CIMIP1: variants seen among roughly 807,000 people sequenced by gnomAD.
CIMIP1 encodes the protein ciliary microtubule inner protein 1.
the CIMIP1 span, among the ~76,000 whole-genome samples, chr20:58,159,724 G>A: frequency 2.6e-5 from 4 of 152,166 alleles, no homozygotes; most frequent in Non-Finnish European, 5.9e-5. Context: ...AAACAGCTTT[G>A]AGAGCTGCTT....
the CIMIP1 span, chr20:58,155,438 G>C: frequency 4.5e-6 from 7 of 1,554,724 alleles, no homozygotes; most frequent in African/African-American, 9.5e-5. Flanking sequence ...CTTCACGTAA[G>C]ACTTCCCATC....
At chr20:58,155,427 G>C in the CIMIP1 span, 1 of 1,502,492 alleles carries the variant, frequency 6.7e-7, no homozygotes, top group Non-Finnish European at 9.2e-7. Flanking sequence ...ATTTCCCCCA[G>C]CTTCACGTAA....
the CIMIP1 span, chr20:58,160,593 A>G: frequency 6.6e-7 from 1 of 1,517,396 alleles, no homozygotes; most frequent in South Asian, 1.3e-5. Context: ...CCTGCCTCAC[A>G]TGCCGATGCT....
At chr20:58,157,486 A>G in the CIMIP1 span, among the ~76,000 whole-genome samples, 1 of 152,232 alleles carries the variant, frequency 6.6e-6, no homozygotes, top group Non-Finnish European at 1.5e-5. Context: ...GTATATGTTT[A>G]CAAATCAAAC....
At chr20:58,155,486 G>C in the CIMIP1 span, 1 of 1,613,996 alleles carries the variant, frequency 6.2e-7, no homozygotes, top group Non-Finnish European at 8.5e-7. Context: ...GTGTGAAGAA[G>C]ATCTCCCCAC....
At chr20:58,156,218 G>A in the CIMIP1 span, among the ~76,000 whole-genome samples, 14 of 152,340 alleles carry the variant, frequency 9.2e-5, no homozygotes, top group South Asian at 1.2e-3. Context: ...GATACGCTAT[G>A]CTAGCACCAT....
At chr20:58,150,994 G>T in the CIMIP1 span, 1 of 1,609,196 alleles carries the variant, frequency 6.2e-7, no homozygotes, top group South Asian at 1.1e-5. Context: ...GCACCGCGGC[G>T]GCTGAACGCA....
the CIMIP1 span, chr20:58,160,944 G>A: frequency 3.6e-6 from 4 of 1,110,718 alleles, no homozygotes; most frequent in Middle Eastern, 5.6e-4. Flanking sequence ...CTTGCTCATG[G>A]GATGTTGCAA....
chr20:58,154,908 G>C, the CIMIP1 span, among the ~76,000 whole-genome samples: 1 of 152,166 alleles, frequency 6.6e-6, no homozygotes, highest in Non-Finnish European at 1.5e-5. Context: ...CCAGGCTGAA[G>C]CCATCCTGTC....
At chr20:58,154,253 C>G in the CIMIP1 span, among the ~76,000 whole-genome samples, 2 of 152,206 alleles carry the variant, frequency 1.3e-5, no homozygotes, top group Non-Finnish European at 2.9e-5. Flanking sequence ...GGCAAAGAGG[C>G]CACTGGTCCT....
chr20:58,151,732 G>T, the CIMIP1 span, among the ~76,000 whole-genome samples: 1 of 151,992 alleles, frequency 6.6e-6, no homozygotes, highest in African/African-American at 2.4e-5. Context: ...TTTAAAAAAA[G>T]AAAGCAAAAA....
chr20:58,160,676 C>G, the CIMIP1 span: 17 of 1,613,894 alleles, frequency 1.1e-5, no homozygotes, highest in African/African-American at 2.7e-5. Context: ...TCCATCCCCC[C>G]CAGTCCCACA....
At chr20:58,160,882 G>T in the CIMIP1 span, 1 of 1,552,392 alleles carries the variant, frequency 6.4e-7, no homozygotes, top group Non-Finnish European at 8.7e-7. Context: ...CCAGGGCCAT[G>T]CCAGGGAAAG....
At chr20:58,159,940 T>C in the CIMIP1 span, among the ~76,000 whole-genome samples, 1 of 152,196 alleles carries the variant, frequency 6.6e-6, no homozygotes, top group African/African-American at 2.4e-5. Context: ...CAGGTTCCAT[T>C]AGTAAAAGTG....
the CIMIP1 span, chr20:58,155,391 C>T: frequency 5.4e-5 from 66 of 1,223,908 alleles, no homozygotes; most frequent in Admixed American, 2.5e-4. Flanking sequence ...TGAGGCTTCC[C>T]GTCTCTGGGG....
At chr20:58,160,713 G>C in the CIMIP1 span, 1 of 1,614,136 alleles carries the variant, frequency 6.2e-7, no homozygotes, top group Non-Finnish European at 8.5e-7. Context: ...ATCGGCTGGA[G>C]ATCTGCAGTG....
the CIMIP1 span, among the ~76,000 whole-genome samples, chr20:58,154,709 A>T: frequency 6.6e-6 from 1 of 152,226 alleles, no homozygotes; most frequent in Non-Finnish European, 1.5e-5. Flanking sequence ...TTGGGTTTTC[A>T]AAAAGCTTGA....
At chr20:58,155,996 A>G in the CIMIP1 span, among the ~76,000 whole-genome samples, 2 of 152,186 alleles carry the variant, frequency 1.3e-5, no homozygotes, top group Non-Finnish European at 2.9e-5. Context: ...TGCCTGTCTT[A>G]TACAATGGGG....
At chr20:58,154,240 T>C in the CIMIP1 span, among the ~76,000 whole-genome samples, 1 of 152,156 alleles carries the variant, frequency 6.6e-6, no homozygotes, top group Non-Finnish European at 1.5e-5. Flanking sequence ...GGGTGGAGAC[T>C]CAGGCAAAGA....
Sources: gnomAD v4.1 joint callset for allele counts (sites outside exome capture counted in the v4.1 genomes callset) on GRCh38, gnomAD v4.1.1 for gene constraint, MANE v1.5 for transcripts, NCBI Gene and HGNC (gene_info 2026-07-23, HGNC 2026-07-21) for gene names.